ADGRL4: variants seen among roughly 807,000 people sequenced by gnomAD.
ADGRL4 encodes the protein EGF, latrophilin and seven transmembrane domain containing 1.
In ADGRL4, 90 loss-of-function variants were observed where a neutral mutation model predicts 74.8. The ratio of observed to expected loss-of-function variants is 1.20; its 90% CI spans 1.02 to 1.43. The LOEUF (loss-of-function observed/expected upper bound fraction) is 1.43, where lower values mean the gene tolerates loss of function less well. ADGRL4 is among the 40% of genes most tolerant of loss of function. The probability of loss-of-function intolerance (pLI) is 0.00; values close to 1 mark genes in which losing one functional copy is unlikely to be tolerated. For synonymous variants in ADGRL4, 311 were observed against 279.2 expected, an observed-to-expected ratio of 1.11 and a Z score of -1.14; for missense variants, 881 against 814.3, an observed-to-expected ratio of 1.08 and a Z score of -1.00.
chr1:78,924,725 C>T (rs1458886232), intron 8 of ADGRL4, among the ~76,000 whole-genome samples: 1 of 151,812 alleles, frequency 6.6e-6, no homozygotes, highest in South Asian at 2.1e-4. Flanking sequence ...TTATTAACAC[C>T]AGGGAAATGA....
chr1:78,911,729 C>T (rs1026158924), intron 12 of ADGRL4, among the ~76,000 whole-genome samples: 1 of 151,604 alleles, frequency 6.6e-6, no homozygotes, highest in Non-Finnish European at 1.5e-5. Flanking sequence ...AATTTTAATA[C>T]AAAAATGTAG....
intron 12 of ADGRL4, among the ~76,000 whole-genome samples, chr1:78,901,831 G>A: frequency 6.6e-6 from 1 of 152,024 alleles, no homozygotes; most frequent in East Asian, 1.9e-4. Context: ...CACTCACTAG[G>A]GTCAGGATTT....
intron 2 of ADGRL4, among the ~76,000 whole-genome samples, chr1:78,999,821 T>C (rs576633974): frequency 1.3e-3 from 194 of 149,846 alleles, no homozygotes; most frequent in South Asian, 7.9e-3. Context: ...TCTATCTATC[T>C]ATCTATCTAT....
At chr1:78,941,674 T>A (rs1039781411) in intron 3 of ADGRL4, among the ~76,000 whole-genome samples, 1 of 152,150 alleles carries the variant, frequency 6.6e-6, no homozygotes, top group Non-Finnish European at 1.5e-5. Context: ...TCTTGCACTT[T>A]GAACTTAAAT....
intron 3 of ADGRL4, chr1:78,939,720 G>C (rs1236549722): frequency 6.6e-6 from 1 of 152,644 alleles, no homozygotes; most frequent in Non-Finnish European, 1.5e-5. Flanking sequence ...TTCTTTGCAG[G>C]AGCAGTTATA....
At chr1:78,983,139 T>C (rs981839887) in intron 2 of ADGRL4, among the ~76,000 whole-genome samples, 1 of 151,658 alleles carries the variant, frequency 6.6e-6, no homozygotes, top group African/African-American at 2.4e-5. Context: ...CAAACGAATA[T>C]TCTTCCTGTA....
chr1:78,948,840 C>T (rs529772845), intron 2 of ADGRL4, among the ~76,000 whole-genome samples: 8 of 152,184 alleles, frequency 5.3e-5, no homozygotes, highest in African/African-American at 1.7e-4. Flanking sequence ...TTTATGGAGT[C>T]TCCCAGTTCT....
intron 2 of ADGRL4, among the ~76,000 whole-genome samples, chr1:78,953,486 A>C (rs1649770609): frequency 6.6e-6 from 1 of 152,324 alleles, no homozygotes; most frequent in Non-Finnish European, 1.5e-5. Flanking sequence ...AACATCACTG[A>C]AAGACAATAG....
At chr1:78,985,752 T>C (rs1474159005) in intron 2 of ADGRL4, among the ~76,000 whole-genome samples, 2 of 151,810 alleles carry the variant, frequency 1.3e-5, no homozygotes, top group African/African-American at 4.8e-5. Context: ...TTCACAACAA[T>C]AGTGAAGACA....
intron 7 of ADGRL4, among the ~76,000 whole-genome samples, chr1:78,935,794 G>A (rs1649340073): frequency 6.6e-6 from 1 of 152,062 alleles, no homozygotes; most frequent in Non-Finnish European, 1.5e-5. Flanking sequence ...ATCCTCCCCA[G>A]GTATTTATAA....
chr1:78,961,495 A>G (rs1241583539), intron 2 of ADGRL4, among the ~76,000 whole-genome samples: 4 of 152,140 alleles, frequency 2.6e-5, no homozygotes, highest in Non-Finnish European at 4.4e-5. Flanking sequence ...ATGGGTCATG[A>G]AAGACAGTTT....
At chr1:78,951,206 G>T (rs1465465347) in intron 2 of ADGRL4, among the ~76,000 whole-genome samples, 1 of 152,050 alleles carries the variant, frequency 6.6e-6, no homozygotes, top group Admixed American at 6.6e-5. Context: ...GGGCATTATT[G>T]CACTCTTGTT....
intron 2 of ADGRL4, among the ~76,000 whole-genome samples, chr1:78,968,776 A>G (rs1570261900): frequency 6.6e-6 from 1 of 152,124 alleles, no homozygotes; most frequent in African/African-American, 2.4e-5. Flanking sequence ...TCCAACTGTA[A>G]CTCCCATGAA....
At chr1:78,915,636 T>A (rs1405309516) in intron 12 of ADGRL4, among the ~76,000 whole-genome samples, 3 of 151,882 alleles carry the variant, frequency 2.0e-5, no homozygotes, top group African/African-American at 7.2e-5. Flanking sequence ...TAGCTGGTGT[T>A]TCTCTTTAAT....
At chr1:78,893,699 TAATAC>T (rs1434710306) in intron 12 of ADGRL4, among the ~76,000 whole-genome samples, 1 of 151,938 alleles carries the variant, frequency 6.6e-6, no homozygotes, top group Non-Finnish European at 1.5e-5. Flanking sequence ...GATTCTCTCC[TAATAC>T]AAATGTTAAT....
chr1:78,969,993 T>A (rs1279916949), intron 2 of ADGRL4, among the ~76,000 whole-genome samples: 4 of 152,132 alleles, frequency 2.6e-5, no homozygotes, highest in Non-Finnish European at 5.9e-5. Context: ...GTTTCCTTTT[T>A]TGGGAAAGTA....
chr1:78,967,147 T>G (rs1482604853), intron 2 of ADGRL4, among the ~76,000 whole-genome samples: 1 of 152,152 alleles, frequency 6.6e-6, no homozygotes, highest in Admixed American at 6.5e-5. Context: ...CTTTGAGAAA[T>G]AAAAACAGCC....
At chr1:78,952,056 T>C (rs914086193) in intron 2 of ADGRL4, among the ~76,000 whole-genome samples, 2 of 152,070 alleles carry the variant, frequency 1.3e-5, no homozygotes, top group Admixed American at 1.3e-4. Flanking sequence ...ATTTTTTTAA[T>C]CTATTGACCA....
rs530154256 is a variant in ADGRL4 at position 78,921,875 on chromosome 1, T to C, written c.1084-89A>G. On this transcript the variant is annotated intron_variant, in intron 8 of 14. Coordinates refer to ENST00000370742, the MANE Select transcript of ADGRL4 (RefSeq NM_022159.4). ...CATATTTAAAATACCACTAATGTGATTGAAACAATGCCTTAACAGTGAAAC... is the reference window on the plus strand; with the variant it reads ...CATATTTAAAATACCACTAATGTGACTGAAACAATGCCTTAACAGTGAAAC... 1.9e-3 allele frequency: 1,285 copies of C among 682,322 alleles called. 3 individuals carry two copies. The highest frequency in any genetic ancestry group is 2.5e-3 in the Non-Finnish European group (1,140 of 461,912). 42.3% of individuals were successfully genotyped at this position (682,322 alleles called of 1,614,324 possible).
Sources: allele counts gnomAD v4.1 joint callset (sites outside exome capture counted in the v4.1 genomes callset), GRCh38; gene constraint gnomAD v4.1.1; transcripts MANE v1.5; gene names NCBI Gene and HGNC (gene_info 2026-07-23, HGNC 2026-07-21).